IL22RA1: variants seen among roughly 807,000 people sequenced by gnomAD.
IL22RA1 encodes the protein interleukin 22 receptor subunit alpha 1, also known as interleukin-22 receptor subunit alpha-1.
Under a neutral mutation model 32.8 loss-of-function variants are expected in IL22RA1, and 25 were observed. The ratio of observed to expected loss-of-function variants is 0.76; its 90% confidence interval spans 0.55 to 1.06. The LOEUF is 1.06. Ranked by LOEUF, IL22RA1 falls within the 50% of genes least tolerant of loss-of-function variation. The pLI is 0.00. For missense variants in IL22RA1, 709 were observed against 727.4 expected, an observed-to-expected ratio of 0.97 and a Z score of 0.29; for synonymous variants, 305 against 305.0, an observed-to-expected ratio of 1.00 and a Z score of 0.00.
chr1:24,138,710 G>T lies in IL22RA1; in HGVS notation c.48C>A (p.His16Gln), dbSNP rs201903321. The part of the protein sequence containing the change: ...TILTVGSLAA[H>Q]APEDPSDLLQ... ...GCAGATCCGAGGGGTCCTCAGGGGCGTGAGCTGCAGGAGGGTGGGAGGAGG... is the reference window on the plus strand; with the variant it reads ...GCAGATCCGAGGGGTCCTCAGGGGCTTGAGCTGCAGGAGGGTGGGAGGAGG... Residue 16 changes from histidine (H) to glutamine (Q), a missense_variant, in exon 2 of 7, where the codon CAC becomes CAA. By Grantham distance (24) the His-to-Gln change is conservative (BLOSUM62 0). Coordinates refer to ENST00000270800, the MANE Select transcript of IL22RA1 (RefSeq NM_021258.4). 6.2e-7 allele frequency: 1 copy of T among 1,613,904 alleles called. No individual in the cohort carries two copies. Among genetic ancestry groups the T allele is most frequent in the East Asian group, 2.2e-5 (1 of 44,876 alleles).
intron 4 of IL22RA1, among the ~76,000 whole-genome samples, chr1:24,131,283 C>A (rs569180100): frequency 6.6e-6 from 1 of 152,190 alleles, no homozygotes; most frequent in African/African-American, 2.4e-5. Context: ...TGTGAATAGG[C>A]AAGTAACACC....
intron 6 of IL22RA1, 29 bp from the exon 7 acceptor site, chr1:24,121,766 C>T (rs1644124834): frequency 4.1e-6 from 6 of 1,449,026 alleles, no homozygotes; most frequent in Non-Finnish European, 5.5e-6. Flanking sequence ...AGTCACCCCC[C>T]TGTGGTTAGG....
chr1:24,137,338 G>A (rs775333840), intron 2 of IL22RA1, 29 bp from the exon 3 acceptor site: 132 of 1,605,410 alleles, frequency 8.2e-5, no homozygotes, highest in East Asian at 2.7e-4. Context: ...CCAAGTCACC[G>A]TGGTGATGAA....
chr1:24,138,733 A>C lies in IL22RA1; in HGVS notation c.44-19T>G. On this transcript the variant is annotated intron_variant, in intron 1 of 6. Transcript: ENST00000270800. ...GCGTGAGCTGCAGGAGGGTGGGAGG[A>C]GGGTGAGCAGGGGCTTTCCCAGGGT... 6.2e-7 allele frequency: 1 copy of C among 1,611,856 alleles called. No homozygotes were observed. Among genetic ancestry groups the C allele is most frequent in the Non-Finnish European group, 8.5e-7 (1 of 1,179,062 alleles).
chr1:24,128,386 G>T, intron 4 of IL22RA1, 107 bp from the exon 5 acceptor site: 4 of 1,331,118 alleles, frequency 3.0e-6, no homozygotes, highest in Admixed American at 1.7e-5. Flanking sequence ...ATGCTGATGG[G>T]TCTGTCTTCA....
intron 4 of IL22RA1, 28 bp downstream of exon 4, chr1:24,134,183 G>A (rs1389131525): frequency 6.3e-7 from 1 of 1,576,862 alleles, no homozygotes; most frequent in Non-Finnish European, 8.6e-7. Context: ...CCTAGGCAGA[G>A]AAAGACCAGG....
Position 24,120,937 on chromosome 1 carries a change from G to C in IL22RA1, c.1593C>G (p.Gly531=), listed in dbSNP as rs1431019385. ...TGGGACACACAAGGGACTCCAGCAGGCCCCAGGGACTTGGACCTTGGTCCG... is the reference window on the plus strand; with the variant it reads ...TGGGACACACAAGGGACTCCAGCAGCCCCCAGGGACTTGGACCTTGGTCCG... ...SPSDQGPSPW[G]LLESLVCPKD... Residue 531 remains glycine (G), a synonymous_variant, in exon 7 of 7, where the codon GGC becomes GGG. Coordinates refer to ENST00000270800, the MANE Select transcript of IL22RA1 (RefSeq NM_021258.4). The C allele has an allele frequency of 2.5e-6, 4 of 1,614,134 alleles. No individual in the cohort carries two copies. Among genetic ancestry groups the C allele is most frequent in the Non-Finnish European group, 3.4e-6 (4 of 1,180,046 alleles).
Position 24,120,790 on chromosome 1 carries a change from C to T in IL22RA1, c.*15G>A, listed in dbSNP as rs1240626371. On this transcript the variant is annotated 3_prime_UTR_variant, in exon 7 of 7. Transcript: ENST00000270800. The stretch of plus-strand genomic sequence containing the variant: ...GTAGGGACAGGGAGGAAGCACCAAG[C>T]CTTTCCCATTCCCCTCAGGACTCCC... The T allele has an allele frequency of 8.3e-6, 13 of 1,573,644 alleles. No individual in the cohort carries two copies. The highest frequency in any genetic ancestry group is 1.1e-5 in the Non-Finnish European group (13 of 1,158,674).
At chr1:24,137,956 C>T (rs2148575471) in intron 2 of IL22RA1, among the ~76,000 whole-genome samples, 1 of 152,260 alleles carries the variant, frequency 6.6e-6, no homozygotes, top group Middle Eastern at 3.4e-3. Flanking sequence ...CACCATAGTC[C>T]TTTGATGTGG....
chr1:24,132,218 C>A (rs1644210171), intron 4 of IL22RA1, among the ~76,000 whole-genome samples: 1 of 152,090 alleles, frequency 6.6e-6, no homozygotes, highest in Non-Finnish European at 1.5e-5. Context: ...CCCAGGGATG[C>A]AAGTGCAATA....
In IL22RA1 at chr1:24,137,112, C is replaced by T. The variant is rs1644247740; in HGVS notation, c.355+19G>A. Reference sequence around the variant, plus strand: ...CTTTCCTCTTCCCTCCCCTGAAACCCACAGGGGCTCCAACTCACTGTGCTG... The same window carrying T: ...CTTTCCTCTTCCCTCCCCTGAAACCTACAGGGGCTCCAACTCACTGTGCTG... On this transcript the variant is annotated intron_variant, in intron 3 of 6. Coordinates refer to ENST00000270800, the MANE Select transcript of IL22RA1 (RefSeq NM_021258.4). 6.3e-7 allele frequency: 1 copy of T among 1,599,920 alleles called. No homozygotes were observed. The highest frequency in any genetic ancestry group is 1.7e-4 in the Middle Eastern group (1 of 6,022).
In IL22RA1 at chr1:24,121,429, C is replaced by T. The variant is rs771691361; in HGVS notation, c.1101G>A (p.Gln367=). 6.5e-7 allele frequency: 1 copy of T among 1,549,750 alleles called. No homozygotes were observed. The highest frequency in any genetic ancestry group is 1.3e-5 in the South Asian group (1 of 79,698). The change falls in exon 7 of 7, where the codon CAG becomes CAA. Residue 367 remains glutamine (Q), a synonymous_variant. Coordinates refer to ENST00000270800, the MANE Select transcript of IL22RA1 (RefSeq NM_021258.4). ...ATGGGAATTGAGCTTCGGGGGTCAC[C>T]TGAGGTGCATAGGATGGGGGCCCGA... ...PEVGPPSYAP[Q]VTPEAQFPFY...
intron 6 of IL22RA1, among the ~76,000 whole-genome samples, chr1:24,123,070 T>C (rs1158236193): frequency 2.0e-5 from 3 of 152,070 alleles, no homozygotes; most frequent in Non-Finnish European, 4.4e-5. Context: ...GCCATGTGGG[T>C]TTTTTATTCC....
chr1:24,136,914 GT>G lies in IL22RA1; in HGVS notation c.355+216del, dbSNP rs1557631002. Among the ~76,000 whole-genome samples the G allele has an allele frequency of 5.3e-5, 8 of 151,130 alleles. No homozygotes were observed. In the East Asian group the frequency reaches 1.6e-3, roughly 30 times the overall value. ...GGTGGTCTGAACTAGGGAGGTTGGG[GT>G]GGAGGTGGAGAAAAGTGAACAAACC... is the stretch of plus-strand genomic sequence containing the variant. On this transcript the variant is annotated intron_variant, in intron 3 of 6. Transcript: ENST00000270800.
chr1:24,126,723 G>A (rs1043518216), intron 5 of IL22RA1, among the ~76,000 whole-genome samples: 1 of 152,076 alleles, frequency 6.6e-6, no homozygotes, highest in Non-Finnish European at 1.5e-5. Flanking sequence ...ATCCACTGCC[G>A]TCACCTTCAT....
In IL22RA1 at chr1:24,121,621, C is replaced by A. The variant is rs1171724848; in HGVS notation, c.909G>T (p.Gln303His). 6.8e-6 allele frequency: 11 copies of A among 1,612,876 alleles called. 1 individual carries two copies. In the Admixed American group the frequency reaches 1.8e-4, roughly 27 times the overall value. ...SSLAQPVQYS[Q>H]IRVSGPREPA... ...GCTCCCTGGGTCCAGACACCCTGAT[C>A]TGGGAGTACTGGACAGGCTGGGCCA... is the stretch of plus-strand genomic sequence containing the variant. Residue 303 changes from glutamine (Q) to histidine (H), a missense_variant, in exon 7 of 7, where the codon CAG becomes CAT. Coordinates refer to ENST00000270800, the MANE Select transcript of IL22RA1 (RefSeq NM_021258.4).
In IL22RA1 at chr1:24,131,132, G is replaced by GAAA. The variant is rs553466871; in HGVS notation, c.532-2856_532-2854dup. Among the ~76,000 whole-genome samples the GAAA allele has an allele frequency of 6.7e-4, 102 of 152,284 alleles. 1 individual carries two copies. The East Asian group carries it at 0.019, about 29-fold the overall frequency. The stretch of plus-strand genomic sequence containing the variant: ...TATAAAATCTAGGAACTTTAGAGTT[G>GAAA]AAAAATTCTAGATATTATTATCTGA... On this transcript the variant is annotated intron_variant, in intron 4 of 6. Coordinates refer to ENST00000270800, the MANE Select transcript of IL22RA1 (RefSeq NM_021258.4).
At chr1:24,125,351 C>T (rs547707744) in intron 5 of IL22RA1, among the ~76,000 whole-genome samples, 13 of 152,196 alleles carry the variant, frequency 8.5e-5, no homozygotes, top group Non-Finnish European at 1.8e-4. Flanking sequence ...TGCCACTCTG[C>T]AAGGAAGCCT....
chr1:24,135,551 C>T (rs920376608), intron 3 of IL22RA1, among the ~76,000 whole-genome samples: 6 of 152,072 alleles, frequency 3.9e-5, no homozygotes, highest in Non-Finnish European at 2.9e-5. Context: ...TATATTAGTC[C>T]ATTCTCACAC....
Sources: allele counts gnomAD v4.1 joint callset (sites outside exome capture counted in the v4.1 genomes callset), GRCh38; gene constraint gnomAD v4.1.1; transcripts MANE v1.5; gene names NCBI Gene and HGNC (gene_info 2026-07-23, HGNC 2026-07-21).